EYS: variants seen among roughly 807,000 people sequenced by gnomAD.
EYS encodes protein eyes shut homolog.
Under a neutral mutation model 282.1 loss-of-function variants are expected in EYS, and 250 were observed. The observed-to-expected ratio is 0.89, with a 90% CI of 0.80 to 0.98. The LOEUF (loss-of-function observed/expected upper bound fraction) is 0.98. EYS is among the 50% of genes least tolerant of loss of function. The probability of loss-of-function intolerance (pLI) is 0.00; values close to 1 mark genes in which losing one functional copy is unlikely to be tolerated. For missense variants in EYS, 4,016 were observed against 3,709.0 expected (o/e 1.08, Z -2.15); for synonymous variants, 1,355 against 1,282.9 (o/e 1.06, Z -1.20).
chr6:64,413,439 T>C (rs114021116), intron 28 of EYS, among the ~76,000 whole-genome samples: 1,527 of 152,180 alleles, frequency 0.01, 23 homozygotes, highest in African/African-American at 0.034. Flanking sequence ...GGGACCATGA[T>C]TGATACATCA....
intron 14 of EYS, among the ~76,000 whole-genome samples, chr6:64,954,446 C>T (rs368248221): frequency 1.3e-5 from 2 of 151,952 alleles, no homozygotes; most frequent in African/African-American, 4.8e-5. Context: ...AGTCTAATAC[C>T]CAAAGCTTTT....
intron 12 of EYS, among the ~76,000 whole-genome samples, chr6:65,105,548 G>T (rs1775011192): frequency 6.6e-6 from 1 of 151,672 alleles, no homozygotes; most frequent in Non-Finnish European, 1.5e-5. Context: ...AAATTTAAAT[G>T]ACTATACATT....
intron 30 of EYS, among the ~76,000 whole-genome samples, chr6:64,273,262 T>G (rs1767999007): frequency 6.6e-6 from 1 of 152,190 alleles, no homozygotes; most frequent in Non-Finnish European, 1.5e-5. Context: ...TCTTTAGTAT[T>G]TATTGAGACG....
In EYS at chr6:64,500,050, T is replaced by C. The variant is rs560400741; in HGVS notation, c.5645-60698A>G. Among the ~76,000 whole-genome samples, 4 of 152,200 alleles carry C rather than the reference T, an allele frequency of 2.6e-5. No homozygotes were observed. In the East Asian group the frequency reaches 7.8e-4, roughly 29 times the overall value. On this transcript the variant is annotated intron_variant, in intron 26 of 42. Coordinates refer to ENST00000503581, the MANE Select transcript of EYS (RefSeq NM_001142800.2). ...AAAGGAAACAAATTTATATGGGGTA[T>C]AAAAATTTGTTATGATGAAAATACA...
At chr6:65,169,255 G>A (rs993788738) in intron 12 of EYS, among the ~76,000 whole-genome samples, 2 of 151,464 alleles carry the variant, frequency 1.3e-5, no homozygotes, top group African/African-American at 2.4e-5. Context: ...AAGGCCAAGA[G>A]CTGAGTTGGT....
intron 11 of EYS, among the ~76,000 whole-genome samples, chr6:65,301,528 C>T (rs1024068160): frequency 2.7e-4 from 41 of 152,172 alleles, no homozygotes; most frequent in African/African-American, 9.2e-4. Flanking sequence ...CGGACGGCAG[C>T]GGCCAAGCGA....
At chr6:63,919,183 T>G (rs1764500017) in intron 35 of EYS, among the ~76,000 whole-genome samples, 1 of 151,452 alleles carries the variant, frequency 6.6e-6, no homozygotes. Flanking sequence ...AAGGTAGCAG[T>G]GAGTTTGGGG....
chr6:65,396,280 A>G (rs1346083971), intron 7 of EYS, among the ~76,000 whole-genome samples: 1 of 152,122 alleles, frequency 6.6e-6, no homozygotes, highest in African/African-American at 2.4e-5. Context: ...ATATAACTAC[A>G]TCATCTTCTC....
intron 9 of EYS, among the ~76,000 whole-genome samples, chr6:65,349,034 A>G (rs10806505): frequency 0.2 from 30,725 of 151,502 alleles, 3,913 homozygotes; most frequent in Admixed American, 0.27. Context: ...GAATGTTTAA[A>G]GGTATAAACA....
chr6:64,282,362 A>T (rs1768339026), intron 30 of EYS, among the ~76,000 whole-genome samples: 1 of 152,150 alleles, frequency 6.6e-6, no homozygotes, highest in African/African-American at 2.4e-5. Context: ...CCTTTTGCGT[A>T]TTCTTACAGA....
chr6:64,079,814 C>T (rs376705720), intron 32 of EYS, among the ~76,000 whole-genome samples: 19 of 152,074 alleles, frequency 1.2e-4, no homozygotes, highest in African/African-American at 3.1e-4. Flanking sequence ...TCAGAATATG[C>T]GATGTTTGGT....
chr6:64,384,152 A>G (rs1772836200), intron 29 of EYS, among the ~76,000 whole-genome samples: 1 of 152,156 alleles, frequency 6.6e-6, no homozygotes, highest in Non-Finnish European at 1.5e-5. Flanking sequence ...CTTTTTATAA[A>G]AGTGAATGGA....
chr6:63,988,289 C>T (rs1285084413), intron 34 of EYS, among the ~76,000 whole-genome samples: 1 of 151,624 alleles, frequency 6.6e-6, no homozygotes, highest in Non-Finnish European at 1.5e-5. Context: ...AAAAGTGAAC[C>T]TTTCACTGTT....
chr6:64,938,524 G>T (rs1349325308), intron 15 of EYS, among the ~76,000 whole-genome samples: 1 of 151,562 alleles, frequency 6.6e-6, no homozygotes, highest in Non-Finnish European at 1.5e-5. Context: ...GGTTTGACGT[G>T]ATGTCTTGTC....
chr6:64,418,833 C>A (rs551463850), intron 28 of EYS, among the ~76,000 whole-genome samples: 7 of 152,022 alleles, frequency 4.6e-5, no homozygotes, highest in Admixed American at 3.3e-4. Context: ...ACTCTATTCC[C>A]GACTTTGGTT....
At position 64,191,481 on chromosome 6, in the gene EYS, C is replaced by CA. The variant is rs900043483; in HGVS notation, c.6424+39110_6424+39111insT. 2.8e-5 allele frequency among the ~76,000 whole-genome samples: 4 copies of CA among 144,784 alleles called. No homozygotes were observed. In the East Asian group the frequency reaches 7.0e-4, roughly 26 times the overall value. The allele number at this position is 144,784 out of a possible 152,430, so 95.0% of individuals were successfully genotyped here. A position where few individuals can be genotyped will look rare whatever the true frequency, so the allele number is the denominator to read the frequency against. ...ATATCGTCCAGTGCTATCCCTTCCC[C>CA]CCCCACCCCAAAACAGTCCCCAGAG... is the stretch of plus-strand genomic sequence containing the variant. On this transcript the variant is annotated intron_variant, in intron 31 of 42. Coordinates refer to ENST00000503581, the MANE Select transcript of EYS (RefSeq NM_001142800.2).
At chr6:65,470,884 A>G (rs758206021) in intron 5 of EYS, among the ~76,000 whole-genome samples, 1 of 152,092 alleles carries the variant, frequency 6.6e-6, no homozygotes, top group Non-Finnish European at 1.5e-5. Context: ...AAGCTATAAA[A>G]AAAGGATGGC....
chr6:65,690,982 T>C (rs1007774910), intron 1 of EYS, among the ~76,000 whole-genome samples: 2 of 150,500 alleles, frequency 1.3e-5, no homozygotes, highest in African/African-American at 4.8e-5. Flanking sequence ...CAGTCTATCA[T>C]TGATGGGCAT....
At chr6:63,879,105 C>G (rs1299437922) in intron 35 of EYS, among the ~76,000 whole-genome samples, 1 of 152,084 alleles carries the variant, frequency 6.6e-6, no homozygotes, top group Non-Finnish European at 1.5e-5. Flanking sequence ...CCCCCTATTT[C>G]AGGGAGAAAA....
Sources: gnomAD v4.1 joint callset for allele counts (sites outside exome capture counted in the v4.1 genomes callset) on GRCh38, gnomAD v4.1.1 for gene constraint, MANE v1.5 for transcripts, NCBI Gene and HGNC (gene_info 2026-07-23, HGNC 2026-07-21) for gene names.